Variants in CISTR observed in about 807,000 individuals in gnomAD.
CISTR encodes chondrogenesis-associated transcript.
chr12:53,748,321 C>G (rs1937805953), intron 2 of CISTR, among the ~76,000 whole-genome samples: 1 of 152,212 alleles, frequency 6.6e-6, no homozygotes, highest in African/African-American at 2.4e-5. Context: ...CCATCCCCAA[C>G]ACTGCGGGGC....
At chr12:53,752,457 A>G (rs1937865408) in intron 1 of CISTR, among the ~76,000 whole-genome samples, 2 of 152,178 alleles carry the variant, frequency 1.3e-5, no homozygotes, top group Admixed American at 1.3e-4. Flanking sequence ...GGGCCTCACC[A>G]TGTGAGTCTT....
intron 1 of CISTR, among the ~76,000 whole-genome samples, chr12:53,752,389 G>A (rs1937864402): frequency 1.3e-5 from 2 of 152,162 alleles, no homozygotes; most frequent in South Asian, 2.1e-4. Context: ...CGGCTCTGCC[G>A]GGACTTCCCT....
intron 2 of CISTR, among the ~76,000 whole-genome samples, chr12:53,749,511 G>A (rs1937822098): frequency 6.6e-6 from 1 of 151,288 alleles, no homozygotes; most frequent in African/African-American, 2.4e-5. Flanking sequence ...CAACCCTGCA[G>A]TGAGTTGGGG....
intron 1 of CISTR, among the ~76,000 whole-genome samples, chr12:53,755,449 G>T (rs554477300): frequency 2.0e-5 from 3 of 152,022 alleles, no homozygotes; most frequent in African/African-American, 7.2e-5. Flanking sequence ...CATTTCTTTT[G>T]CTGACAGTAA....
rs1007847736 is a variant in CISTR, at chr12:53,752,000, T to C, written n.415-1035A>G. Reference sequence around the variant, plus strand: ...TCTCTCCCTCCCCCTCTCCCCGTGGTTGTCAGACTTTCTCCTGGACTTTCT... The same window carrying C: ...TCTCTCCCTCCCCCTCTCCCCGTGGCTGTCAGACTTTCTCCTGGACTTTCT... On this transcript the variant is annotated intron_variant and non_coding_transcript_variant, in intron 1 of 2. Transcript: ENST00000669269. This position sits in a 1 kb window ranked among gnomAD's most constrained non-coding sequence, Gnocchi z 4.6. Among the ~76,000 whole-genome samples, 5 of 151,770 alleles carry C rather than the reference T, an allele frequency of 3.3e-5. No individual in the cohort carries two copies. Among genetic ancestry groups the C allele is most frequent in the Admixed American group, 6.6e-5 (1 of 15,250 alleles).
chr12:53,751,248 C>T lies in CISTR; in HGVS notation n.415-283G>A, dbSNP rs1480465990. 6.6e-6 allele frequency among the ~76,000 whole-genome samples: 1 copy of T among 152,206 alleles called. No individual in the cohort carries two copies. Among genetic ancestry groups the T allele is most frequent in the Non-Finnish European group, 1.5e-5 (1 of 68,030 alleles). On this transcript the variant is annotated intron_variant and non_coding_transcript_variant, in intron 1 of 2. Coordinates refer to ENST00000669269, the Ensembl canonical transcript of CISTR. This position sits in a 1 kb window ranked among gnomAD's most constrained non-coding sequence, Gnocchi z 4.6. ...CTCTGAGCCCTGCGGCCCGGCCTTC[C>T]GCACCTCCCAACGCCTGCAGGGGTT...
chr12:53,752,566 A>G (rs1388084188), intron 1 of CISTR, among the ~76,000 whole-genome samples: 5 of 152,204 alleles, frequency 3.3e-5, no homozygotes, highest in Non-Finnish European at 7.3e-5. Context: ...TGCTTGGCAC[A>G]TGGGACTTAG....
At chr12:53,748,153 T>C (rs372434351) in intron 2 of CISTR, among the ~76,000 whole-genome samples, 77 of 152,114 alleles carry the variant, frequency 5.1e-4, no homozygotes, top group African/African-American at 1.7e-3. Context: ...ATTTGGAGTG[T>C]GGAGAATGTT....
chr12:53,750,361 G>A (rs939344214), exon 2 of CISTR: 52 of 152,480 alleles, frequency 3.4e-4, no homozygotes, highest in African/African-American at 1.2e-3. Flanking sequence ...CACAAATGAG[G>A]CTGTGGACAG....
At chr12:53,749,071 C>T (rs1241854451) in intron 2 of CISTR, among the ~76,000 whole-genome samples, 1 of 151,546 alleles carries the variant, frequency 6.6e-6, no homozygotes, top group Non-Finnish European at 1.5e-5. Flanking sequence ...AGCCACACAC[C>T]CTCCCTCTGC....
chr12:53,746,354 G>A (rs533711597), exon 3 of CISTR, among the ~76,000 whole-genome samples: 102 of 152,278 alleles, frequency 6.7e-4, no homozygotes, highest in African/African-American at 2.4e-3. Context: ...GGCCTGTAGG[G>A]TATGGTTTTA....
intron 1 of CISTR, among the ~76,000 whole-genome samples, chr12:53,753,083 CACACACAGAG>C (rs1278473523): frequency 0.013 from 1,603 of 124,870 alleles, 47 homozygotes; most frequent in African/African-American, 0.04. Context: ...CACACACACA[CACACACAGAG>C]AGAGACACAC....
chr12:53,753,061 C>T (rs1440553922), intron 1 of CISTR, among the ~76,000 whole-genome samples: 1 of 120,534 alleles, frequency 8.3e-6, no homozygotes, highest in Admixed American at 7.7e-5. Context: ...ATCACACACA[C>T]ACACACACAC....
chr12:53,749,693 T>C (rs1054590780), intron 2 of CISTR, among the ~76,000 whole-genome samples: 6 of 152,156 alleles, frequency 3.9e-5, no homozygotes, highest in African/African-American at 1.4e-4. Context: ...GGATCACCTT[T>C]AGAGCCTGCA....
exon 2 of CISTR, chr12:53,750,475 G>T (rs182077380): frequency 6.5e-6 from 1 of 152,746 alleles, no homozygotes; most frequent in Admixed American, 6.5e-5. Flanking sequence ...TTTGCTGAGA[G>T]AAACTGGGGC....
intron 1 of CISTR, among the ~76,000 whole-genome samples, chr12:53,753,085 CACACAGAG>C (rs75839550): frequency 0.12 from 15,980 of 133,576 alleles, 1,102 homozygotes; most frequent in Non-Finnish European, 0.18. Context: ...CACACACACA[CACACAGAG>C]AGAGACACAC....
chr12:53,747,490 C>A (rs56847064), intron 2 of CISTR, among the ~76,000 whole-genome samples: 19,680 of 152,014 alleles, frequency 0.13, 1,358 homozygotes, highest in Non-Finnish European at 0.16. Context: ...GAGGAAGGGG[C>A]AGGGACACAA....
intron 1 of CISTR, chr12:53,755,697 G>A (rs190230431): frequency 6.6e-6 from 1 of 152,406 alleles, no homozygotes; most frequent in Admixed American, 6.5e-5. Flanking sequence ...CTCTCTGCAG[G>A]GCGTCTCTGG....
chr12:53,749,210 A>G (rs1937817164), intron 2 of CISTR, among the ~76,000 whole-genome samples: 1 of 152,194 alleles, frequency 6.6e-6, no homozygotes, highest in Non-Finnish European at 1.5e-5. Flanking sequence ...AGAAAATGAT[A>G]TTGAAAAAGG....
Sources: allele counts gnomAD v4.1 joint callset (sites outside exome capture counted in the v4.1 genomes callset), GRCh38; gene constraint gnomAD v4.1.1; non-coding constraint Gnocchi (gnomAD v3.1); transcripts MANE v1.5; gene names NCBI Gene and HGNC (gene_info 2026-07-23, HGNC 2026-07-21).